Variants in AFAP1L1 observed in about 807,000 individuals in gnomAD.
AFAP1L1 encodes actin filament associated protein 1 like 1, also known as actin filament-associated protein 1-like 1.
In AFAP1L1, 77 loss-of-function variants were observed where a neutral mutation model predicts 99.8. The observed-to-expected ratio is 0.77, with a 90% CI of 0.64 to 0.93. The LOEUF is 0.93. AFAP1L1 is among the 40% of genes least tolerant of loss of function. The probability of loss-of-function intolerance (pLI) is 0.00; values close to 1 mark genes in which losing one functional copy is unlikely to be tolerated. For synonymous variants in AFAP1L1, 373 were observed against 395.3 expected (o/e 0.94, Z 0.67); for missense variants, 893 against 996.8 (o/e 0.90, Z 1.40).
intron 2 of AFAP1L1, among the ~76,000 whole-genome samples, 181 bp from the exon 3 acceptor site, chr5:149,300,090 G>A (rs977017348): frequency 6.6e-6 from 1 of 152,208 alleles, no homozygotes; most frequent in Non-Finnish European, 1.5e-5. Context: ...CTTGGAGAAA[G>A]AGATCCTCAA....
chr5:149,277,026 A>G (rs1371389527), intron 1 of AFAP1L1, among the ~76,000 whole-genome samples: 4 of 152,190 alleles, frequency 2.6e-5, no homozygotes, highest in African/African-American at 9.7e-5. Context: ...TGAACTTTTC[A>G]TTCTTCTTGG....
At chr5:149,302,195 A>G (rs777937271) in intron 4 of AFAP1L1, among the ~76,000 whole-genome samples, 8 of 150,762 alleles carry the variant, frequency 5.3e-5, no homozygotes, top group South Asian at 2.1e-4. Flanking sequence ...AGTCCACAAA[A>G]CTTGCAGACA....
chr5:149,275,131 C>G (rs1755272138), intron 1 of AFAP1L1, among the ~76,000 whole-genome samples: 1 of 152,192 alleles, frequency 6.6e-6, no homozygotes, highest in South Asian at 2.1e-4. Flanking sequence ...TCCTCAGCTT[C>G]TTATGTGGCT....
At chr5:149,334,293 T>A (rs1757341434) in intron 17 of AFAP1L1, among the ~76,000 whole-genome samples, 1 of 152,150 alleles carries the variant, frequency 6.6e-6, no homozygotes, top group Non-Finnish European at 1.5e-5. Flanking sequence ...ATGAAAAACA[T>A]GACAGCCAAG....
rs756078732 is a variant in AFAP1L1 at position 149,299,632 on chromosome 5, T to G, written c.140T>G (p.Leu47Arg). ...VASILQSLQP[L>R]PAKEVSYLYV... ...TCCATCCTGCAGAGCCTGCAGCCCCTTCCAGGTTAGCCGCCAGCAGCCTGC... is the reference window on the plus strand; with the variant it reads ...TCCATCCTGCAGAGCCTGCAGCCCCGTCCAGGTTAGCCGCCAGCAGCCTGC... The change falls in exon 2 of 19, where the codon CTT (leucine) becomes CGT (arginine). Residue 47 changes from leucine (L) to arginine (R), a missense_variant. Physicochemically the swap from Leu to Arg is moderately radical, Grantham distance 102. Transcript: ENST00000296721. 14 of 1,614,004 alleles carry G rather than the reference T, an allele frequency of 8.7e-6. No homozygotes were observed. The highest frequency in any genetic ancestry group is 1.2e-5 in the Non-Finnish European group (14 of 1,180,004).
intron 1 of AFAP1L1, among the ~76,000 whole-genome samples, chr5:149,287,625 C>G (rs141310217): frequency 6.6e-6 from 1 of 151,956 alleles, no homozygotes; most frequent in East Asian, 1.9e-4. Flanking sequence ...ACACTGTCGC[C>G]CAGGCTGGAG....
intron 18 of AFAP1L1, among the ~76,000 whole-genome samples, chr5:149,336,394 G>T (rs539945427): frequency 5.3e-5 from 8 of 152,330 alleles, no homozygotes; most frequent in African/African-American, 1.9e-4. Flanking sequence ...AAATATTTTG[G>T]TTTCACAGCT....
intron 7 of AFAP1L1, 44 bp from the exon 8 acceptor site, chr5:149,309,912 C>T (rs1756562114): frequency 6.2e-7 from 1 of 1,613,238 alleles, no homozygotes; most frequent in African/African-American, 1.3e-5. Context: ...CCCTCCTCTA[C>T]CCTCTACTTC....
At chr5:149,299,205 C>T (rs1179326872) in intron 1 of AFAP1L1, among the ~76,000 whole-genome samples, 1 of 152,172 alleles carries the variant, frequency 6.6e-6, no homozygotes, top group Non-Finnish European at 1.5e-5. Context: ...GCCTGAGAAC[C>T]TCTGCTCGGG....
chr5:149,276,006 T>C (rs2127587298), intron 1 of AFAP1L1, among the ~76,000 whole-genome samples: 1 of 152,214 alleles, frequency 6.6e-6, no homozygotes, highest in East Asian at 1.9e-4. Flanking sequence ...ATTTGCTCAT[T>C]CATTCTCCAT....
intron 7 of AFAP1L1, among the ~76,000 whole-genome samples, chr5:149,307,825 T>G (rs866311758): frequency 7.7e-6 from 1 of 129,078 alleles, no homozygotes; most frequent in African/African-American, 3.0e-5. Flanking sequence ...TCTTTCTCTC[T>G]CTCTCTCTCT....
In AFAP1L1 at chr5:149,313,721, G is replaced by A. The variant is rs1347802477; in HGVS notation, c.1020+1517G>A. Among the ~76,000 whole-genome samples the A allele has an allele frequency of 3.3e-5, 5 of 152,188 alleles. 1 individual carries two copies. The highest frequency in any genetic ancestry group is 4.1e-4 in the South Asian group (2 of 4,828). On this transcript the variant is annotated intron_variant, in intron 9 of 18. Transcript: ENST00000296721. ...GCAGACATGAATCAAATAGTCACAC[G>A]GACTTATAAATGCCAAGCTGTGTAA...
At position 149,343,564 on chromosome 5, in the gene AFAP1L1, T is replaced by G. The variant is rs1757618431; in HGVS notation, c.*3534T>G. On this transcript the variant is annotated 3_prime_UTR_variant, in exon 19 of 19. Coordinates refer to ENST00000296721, the MANE Select transcript of AFAP1L1 (RefSeq NM_152406.4). ...AGTGGTGAACAAGACAGACACCTCATGAAGCTCACATTCTAGTTGGAGGAA... is the reference window on the plus strand; with the variant it reads ...AGTGGTGAACAAGACAGACACCTCAGGAAGCTCACATTCTAGTTGGAGGAA... 6.6e-6 allele frequency among the ~76,000 whole-genome samples: 1 copy of G among 151,974 alleles called. No individual in the cohort carries two copies. Among genetic ancestry groups the G allele is most frequent in the Non-Finnish European group, 1.5e-5 (1 of 67,998 alleles).
chr5:149,299,436 T>C, intron 1 of AFAP1L1, 73 bp from the exon 2 acceptor site: 1 of 1,582,806 alleles, frequency 6.3e-7, no homozygotes, highest in Non-Finnish European at 8.6e-7. Flanking sequence ...CTCTAGGTGG[T>C]GGGGGGCCGA....
At chr5:149,308,637 T>A (rs1459243329) in intron 7 of AFAP1L1, among the ~76,000 whole-genome samples, 9 of 152,198 alleles carry the variant, frequency 5.9e-5, no homozygotes, top group Admixed American at 5.2e-4. Flanking sequence ...CATGACCTTT[T>A]CTCACTCCAG....
In AFAP1L1 at chr5:149,343,607, G is replaced by A. The variant is rs995710970; in HGVS notation, c.*3577G>A. Among the ~76,000 whole-genome samples, 9 of 152,104 alleles carry A rather than the reference G, an allele frequency of 5.9e-5. No individual in the cohort carries two copies. The highest frequency in any genetic ancestry group is 2.2e-4 in the African/African-American group (9 of 41,406). ...TGGAGGAAAAAACCTTAACAAGGAA[G>A]CAAAAGAAATAAAATACTAAGAAAC... On this transcript the variant is annotated 3_prime_UTR_variant, in exon 19 of 19. Coordinates refer to ENST00000296721, the MANE Select transcript of AFAP1L1 (RefSeq NM_152406.4).
rs566595927 is a variant in AFAP1L1, at chr5:149,300,464, C to T, written c.229+110C>T. On this transcript the variant is annotated intron_variant, in intron 3 of 18. Transcript: ENST00000296721. The stretch of plus-strand genomic sequence containing the variant: ...TGGCTCTAACATCGCATCATTAAGT[C>T]GCTTTGGGCCAGTCCTTGGCCCCTC... The T allele has an allele frequency of 1.8e-4, 160 of 906,912 alleles. 1 individual carries two copies. The highest frequency in any genetic ancestry group is 3.9e-4 in the South Asian group (23 of 59,666). 56.2% of individuals were successfully genotyped at this position (906,912 alleles called of 1,614,324 possible). A position where few individuals can be genotyped will look rare whatever the true frequency, so the allele number is the denominator to read the frequency against.
intron 1 of AFAP1L1, among the ~76,000 whole-genome samples, chr5:149,281,454 C>T (rs1755517701): frequency 6.6e-6 from 1 of 152,242 alleles, no homozygotes; most frequent in African/African-American, 2.4e-5. Flanking sequence ...CCACCCTCCT[C>T]AGACTGGGCT....
intron 2 of AFAP1L1, among the ~76,000 whole-genome samples, chr5:149,299,869 C>G (rs904296906): frequency 2.0e-5 from 3 of 151,996 alleles, no homozygotes; most frequent in Non-Finnish European, 4.4e-5. Flanking sequence ...TGGCTGTGCT[C>G]TTTGTACTCC....
Sources: allele counts gnomAD v4.1 joint callset (sites outside exome capture counted in the v4.1 genomes callset), GRCh38; gene constraint gnomAD v4.1.1; transcripts MANE v1.5; gene names NCBI Gene and HGNC (gene_info 2026-07-23, HGNC 2026-07-21).